The following RP1L1 variants were observed in gnomAD, a reference collection of about 807,000 sequenced individuals.
RP1L1 encodes RP1 like 1.
In RP1L1, 27 loss-of-function variants were observed where a neutral mutation model predicts 15.7. The observed-to-expected ratio is 1.72, with a 90% CI of 1.27 to 2.38. The LOEUF (loss-of-function observed/expected upper bound fraction) is 2.38, where lower values mean the gene tolerates loss of function less well. RP1L1 is among the 30% of genes most tolerant of loss of function. RP1L1 has a pLI of 0.00. For synonymous variants in RP1L1, 1,813 were observed against 1,276.7 expected (o/e 1.42, Z -8.96); for missense variants, 4,798 against 3,075.9 (o/e 1.56, Z -13.24).
In RP1L1 at chr8:10,608,008, TTCTGACTTTGGCTGGGCCTCTACACCG is replaced by T. The variant is rs1190965459; in HGVS notation, c.6063_6089del (p.Asp2021_Ser2029del). 7 of 1,606,600 alleles carry T rather than the reference TTCTGACTTTGGCTGGGCCTCTACACCG, an allele frequency of 4.4e-6. No individual in the cohort carries two copies. Among genetic ancestry groups the T allele is most frequent in the Non-Finnish European group, 5.9e-6 (7 of 1,178,072 alleles). Reference sequence around the variant, plus strand: ...CTTCAACCTCCTGGGCCTCTTCACCTTCTGACTTTGGCTGGGCCTCTACACCGTCTGACTCTGGCTGGGCCTCCTCTT... The same window carrying T: ...CTTCAACCTCCTGGGCCTCTTCACCTTCTGACTCTGGCTGGGCCTCCTCTT... On this transcript the variant is annotated inframe_deletion, in exon 4 of 4. Transcript: ENST00000382483.
chr8:10,606,984 G>A lies in RP1L1; in HGVS notation c.7114C>T (p.Leu2372=). The A allele has an allele frequency of 6.2e-7, 1 of 1,614,224 alleles. No individual in the cohort carries two copies. Among genetic ancestry groups the A allele is most frequent in the Non-Finnish European group, 8.5e-7 (1 of 1,180,040 alleles). ...CTTCCGAGTGCCTGGTCCTCTTGTAGGTCATAACCTTCACTGGCCCCCTGC... is the reference window on the plus strand; with the variant it reads ...CTTCCGAGTGCCTGGTCCTCTTGTAAGTCATAACCTTCACTGGCCCCCTGC... ...PEQGASEGYD[L]QEDQALGSLA... The change falls in exon 4 of 4, where the codon CTA becomes TTA. Residue 2372 remains leucine (L), a synonymous_variant. Coordinates refer to ENST00000382483, the MANE Select transcript of RP1L1 (RefSeq NM_178857.6).
chr8:10,638,268 C>T (rs1207705742), intron 1 of RP1L1, among the ~76,000 whole-genome samples: 1 of 152,060 alleles, frequency 6.6e-6, no homozygotes, highest in African/African-American at 2.4e-5. Flanking sequence ...ACTTGTGATT[C>T]CCACCGAGGT....
At chr8:10,615,386 T>A (rs1437738172) in intron 3 of RP1L1, among the ~76,000 whole-genome samples, 1 of 152,208 alleles carries the variant, frequency 6.6e-6, no homozygotes, top group Non-Finnish European at 1.5e-5. Flanking sequence ...TGGTTGGTTG[T>A]ATGGATGGAT....
Position 10,623,125 on chromosome 8 carries a change from G to T in RP1L1, c.77C>A (p.Ser26Ter), listed in dbSNP as rs185749010. 1 of 1,610,160 alleles carries T rather than the reference G, an allele frequency of 6.2e-7. No individual in the cohort carries two copies. Among genetic ancestry groups the T allele is most frequent in the Admixed American group, 1.7e-5 (1 of 59,868 alleles). Reference sequence around the variant, plus strand: ...CTTGGCTGGCGTGACCTTGGTGACCGAGGGGGTGCGAGCCACAGAGGGCAG... The same window carrying T: ...CTTGGCTGGCGTGACCTTGGTGACCTAGGGGGTGCGAGCCACAGAGGGCAG... ...CFLPSVARTP[S>*]VTKVTPAKKI... Residue 26 changes from serine (S) to a stop codon, truncating the protein, a stop_gained, in exon 2 of 4, where the codon TCG becomes TAG. Coordinates refer to ENST00000382483, the MANE Select transcript of RP1L1 (RefSeq NM_178857.6). LOFTEE classifies it high-confidence loss of function.
At position 10,609,330 on chromosome 8, in the gene RP1L1, G is replaced by T. The variant is rs1222846569; in HGVS notation, c.4768C>A (p.Pro1590Thr). The T allele has an allele frequency of 6.2e-7, 1 of 1,611,960 alleles. No individual in the cohort carries two copies. Among genetic ancestry groups the T allele is most frequent in the Non-Finnish European group, 8.5e-7 (1 of 1,179,782 alleles). ...TCCCCGGTGAGGGCCTCCCTTGGAG[G>T]CTCCAGCACCATCCTACCCGCCCGG... is the stretch of plus-strand genomic sequence containing the variant. ...QGRAGRMVLEPPREALTGELL... is the reference protein window; with the variant it reads ...QGRAGRMVLETPREALTGELL... The change falls in exon 4 of 4, where the codon CCT becomes ACT. Residue 1590 changes from proline (P) to threonine (T), a missense_variant. Coordinates refer to ENST00000382483, the MANE Select transcript of RP1L1 (RefSeq NM_178857.6).
chr8:10,636,199 G>T (rs1049137953), intron 1 of RP1L1, among the ~76,000 whole-genome samples: 1 of 152,204 alleles, frequency 6.6e-6, no homozygotes, highest in African/African-American at 2.4e-5. Context: ...GACTTTCTGG[G>T]TCTATAACAA....
rs755324232 is a variant in RP1L1, at chr8:10,612,732, C to T, written c.1366G>A (p.Ala456Thr). The change falls in exon 4 of 4, where the codon GCC becomes ACC. Residue 456 changes from alanine to threonine, a missense_variant. Transcript: ENST00000382483. ...CCCTCGGGGAGGCCGGTGCTGGAGG[C>T]TGGGCTGGCACTGTCCTGGCTGCAT... is the stretch of plus-strand genomic sequence containing the variant. Reference protein sequence around the residue: ...ERCSQDSASPASSTGLPEGSE... With the variant: ...ERCSQDSASPTSSTGLPEGSE... The T allele has an allele frequency of 6.2e-7, 1 of 1,606,502 alleles. No individual in the cohort carries two copies. Among genetic ancestry groups the T allele is most frequent in the Non-Finnish European group, 8.5e-7 (1 of 1,179,254 alleles).
chr8:10,629,027 G>T (rs998494737), intron 1 of RP1L1, among the ~76,000 whole-genome samples: 1 of 152,204 alleles, frequency 6.6e-6, no homozygotes, highest in Non-Finnish European at 1.5e-5. Flanking sequence ...CCCTGTGCTC[G>T]GCACATCACA....
chr8:10,612,641 G>C lies in RP1L1; in HGVS notation c.1457C>G (p.Ser486Cys), dbSNP rs780216561. 1.2e-6 allele frequency: 2 copies of C among 1,602,284 alleles called. No homozygotes were observed. Among genetic ancestry groups the C allele is most frequent in the South Asian group, 1.1e-5 (1 of 91,006 alleles). ...PEDGVDSASP[S>C]AQIGAERKAG... Reference sequence around the variant, plus strand: ...TTTCCGCTCAGCCCCTATCTGGGCAGAGGGGCTGGCACTGTCCACCCCGTC... The same window carrying C: ...TTTCCGCTCAGCCCCTATCTGGGCACAGGGGCTGGCACTGTCCACCCCGTC... The change falls in exon 4 of 4, where the codon TCT (serine) becomes TGT (cysteine). Residue 486 changes from serine to cysteine, a missense_variant. Physicochemically the swap from Ser to Cys is moderately radical, Grantham distance 112. Transcript: ENST00000382483.
chr8:10,642,146 C>T (rs555465518), intron 1 of RP1L1, among the ~76,000 whole-genome samples: 110 of 152,120 alleles, frequency 7.2e-4, no homozygotes, highest in Non-Finnish European at 1.2e-3. Flanking sequence ...GCGTATAAAT[C>T]TATAATTAAT....
rs1254047713 is a variant in RP1L1, at chr8:10,633,807, A to G, written c.-19-10587T>C. On this transcript the variant is annotated intron_variant, in intron 1 of 3. Transcript: ENST00000382483. ...ATATTCTAATTATTGTAGGTATACA[A>G]TACAAGGTATATGTCCAATTAATCT... is the stretch of plus-strand genomic sequence containing the variant. 2.0e-5 allele frequency among the ~76,000 whole-genome samples: 3 copies of G among 152,208 alleles called. No homozygotes were observed. In the East Asian group the frequency reaches 5.8e-4, roughly 29 times the overall value.
Position 10,617,546 on chromosome 8 carries a change from C to CTTTTTTTTTTT in RP1L1, c.610-970_610-960dup, listed in dbSNP as rs777209714. Among the ~76,000 whole-genome samples the CTTTTTTTTTTT allele has an allele frequency of 5.0e-3, 314 of 63,386 alleles. 1 individual carries two copies. Among genetic ancestry groups the CTTTTTTTTTTT allele is most frequent in the Middle Eastern group, 0.017 (1 of 60 alleles). The allele number at this position is 63,386 out of a possible 152,430, so 41.6% of individuals were successfully genotyped here. ...TTTTTGTTTTTTTCTGTTTCTTTTT[C>CTTTTTTTTTTT]TTTTTTTTTTTTTTTTTTTTTTTTT... On this transcript the variant is annotated intron_variant, in intron 2 of 3. Transcript: ENST00000382483.
At chr8:10,636,957 C>A (rs538381091) in intron 1 of RP1L1, among the ~76,000 whole-genome samples, 5 of 152,358 alleles carry the variant, frequency 3.3e-5, no homozygotes, top group South Asian at 4.1e-4. Context: ...AGCCTTAGAA[C>A]CTTCCCTGCC....
chr8:10,653,263 G>C (rs1195707139), intron 1 of RP1L1, among the ~76,000 whole-genome samples: 2 of 152,200 alleles, frequency 1.3e-5, no homozygotes, highest in African/African-American at 4.8e-5. Context: ...TTGGAGCTGA[G>C]AAAGCTGTTG....
Position 10,610,580 on chromosome 8 carries a change from C to T in RP1L1, c.3518G>A (p.Trp1173Ter). 1.9e-6 allele frequency: 3 copies of T among 1,613,648 alleles called. No homozygotes were observed. The highest frequency in any genetic ancestry group is 1.7e-5 in the Admixed American group (1 of 60,036). ...CAGAGCCTGGCTCCATGTGAGCTCC[C>T]AGAGGCCTGAGTCCAGCTGGTCTTC... Reference protein sequence around the residue: ...VGEDQLDSGLWELTWSQALPD... With the variant: ...VGEDQLDSGL The change falls in exon 4 of 4, where the codon TGG (tryptophan) becomes TAG (stop). Residue 1173 changes from tryptophan to a stop codon, truncating the protein, a stop_gained. Transcript: ENST00000382483. LOFTEE classifies it low-confidence loss of function (END_TRUNC).
chr8:10,634,265 G>C (rs1216166374), intron 1 of RP1L1, among the ~76,000 whole-genome samples: 1 of 152,146 alleles, frequency 6.6e-6, no homozygotes, highest in African/African-American at 2.4e-5. Context: ...ACCCTCTTCT[G>C]CAAACAGTTC....
In RP1L1 at chr8:10,612,124, T is replaced by A; in HGVS notation, c.1974A>T (p.Arg658=). 2 of 1,613,670 alleles carry A rather than the reference T, an allele frequency of 1.2e-6. No homozygotes were observed. Among genetic ancestry groups the A allele is most frequent in the South Asian group, 2.2e-5 (2 of 91,090 alleles). Reference sequence around the variant, plus strand: ...GCCTGGGATGGCCTCTCGGGGCCACTCGGCCAAGGCCAGGGCTGCTGGGTG... The same window carrying A: ...GCCTGGGATGGCCTCTCGGGGCCACACGGCCAAGGCCAGGGCTGCTGGGTG... ...MSSPSSPGLG[R]VAPRGHPRHS... The change falls in exon 4 of 4, where the codon CGA becomes CGT. Residue 658 remains arginine (R), a synonymous_variant. Coordinates refer to ENST00000382483, the MANE Select transcript of RP1L1 (RefSeq NM_178857.6).
intron 2 of RP1L1, among the ~76,000 whole-genome samples, chr8:10,617,090 C>A (rs1009431999): frequency 3.9e-5 from 6 of 152,058 alleles, no homozygotes; most frequent in Non-Finnish European, 7.4e-5. Context: ...AGGGGCTAGG[C>A]ACCACTCTTC....
At position 10,608,037 on chromosome 8, in the gene RP1L1, C is replaced by G; in HGVS notation, c.6061G>C (p.Asp2021His). 1.2e-6 allele frequency: 2 copies of G among 1,613,462 alleles called. No individual in the cohort carries two copies. The highest frequency in any genetic ancestry group is 2.2e-5 in the South Asian group (2 of 91,038). Residue 2021 changes from aspartate (D) to histidine (H), a missense_variant, in exon 4 of 4, where the codon GAC becomes CAC. By Grantham distance (81) the Asp-to-His change is moderately conservative (BLOSUM62 -1). Transcript: ENST00000382483. ...GACTTTGGCTGGGCCTCTACACCGT[C>G]TGACTCTGGCTGGGCCTCCTCTTCT... Reference protein sequence around the residue: ...EAEEEAQPESDGVEAQPKSEG... With the variant: ...EAEEEAQPESHGVEAQPKSEG...
Sources: allele counts gnomAD v4.1 joint callset (sites outside exome capture counted in the v4.1 genomes callset), GRCh38; gene constraint gnomAD v4.1.1; transcripts MANE v1.5; gene names NCBI Gene and HGNC (gene_info 2026-07-23, HGNC 2026-07-21).